The following AGBL4 variants were observed in gnomAD, a reference collection of about 807,000 sequenced individuals.
AGBL4 encodes the protein cytosolic carboxypeptidase 6.
AGBL4 carries 58 observed loss-of-function variants against 66.4 expected under a neutral mutation model. The observed-to-expected ratio is 0.87, with a 90% confidence interval of 0.71 to 1.09. The LOEUF is 1.09. Ranked by LOEUF, AGBL4 falls within the 50% of genes least tolerant of loss-of-function variation. The pLI, the probability that AGBL4 is intolerant of heterozygous loss-of-function variation, is 0.00. For synonymous variants in AGBL4, 234 were observed against 222.9 expected (o/e 1.05, Z -0.44); for missense variants, 579 against 631.0 (o/e 0.92, Z 0.88).
chr1:49,184,937 A>G (rs746205604), intron 4 of AGBL4, among the ~76,000 whole-genome samples: 3 of 152,196 alleles, frequency 2.0e-5, no homozygotes, highest in South Asian at 2.1e-4. Context: ...ACAGGGCACA[A>G]TTTGTGATGA....
Position 48,718,654 on chromosome 1 carries a change from C to A in AGBL4, c.635-55413G>T, listed in dbSNP as rs529749569. ...AGGAAGAAGGAAGACTAAAAATCTACTTCCCCACCTGGAGTGCTCTGAGGT... is the reference window on the plus strand; with the variant it reads ...AGGAAGAAGGAAGACTAAAAATCTAATTCCCCACCTGGAGTGCTCTGAGGT... On this transcript the variant is annotated intron_variant, in intron 6 of 13. Coordinates refer to ENST00000371839, the MANE Select transcript of AGBL4 (RefSeq NM_032785.4). Among the ~76,000 whole-genome samples, 401 of 152,228 alleles carry A rather than the reference C, an allele frequency of 2.6e-3. 1 individual carries two copies. Among genetic ancestry groups the A allele is most frequent in the African/African-American group, 9.2e-3 (384 of 41,536 alleles).
At chr1:49,048,685 T>TA (rs939335931) in intron 4 of AGBL4, among the ~76,000 whole-genome samples, 2 of 152,146 alleles carry the variant, frequency 1.3e-5, no homozygotes, top group African/African-American at 4.8e-5. Context: ...TTTTGTTTAT[T>TA]ATGTCTCAGA....
chr1:49,467,344 G>A (rs1646652321), intron 3 of AGBL4, among the ~76,000 whole-genome samples: 1 of 151,850 alleles, frequency 6.6e-6, no homozygotes, highest in Non-Finnish European at 1.5e-5. Flanking sequence ...TTCCAGCCTG[G>A]AGTATTGTAA....
At chr1:49,306,181 C>T (rs241472) in intron 3 of AGBL4, among the ~76,000 whole-genome samples, 105,629 of 152,036 alleles carry the variant, frequency 0.69, 37,577 homozygotes, top group African/African-American at 0.81. Context: ...CTGCATATTT[C>T]CTGGTTCCAA....
At chr1:49,274,028 G>C (rs1644116514) in intron 3 of AGBL4, among the ~76,000 whole-genome samples, 1 of 152,110 alleles carries the variant, frequency 6.6e-6, no homozygotes, top group South Asian at 2.1e-4. Flanking sequence ...AGAGAAGAGA[G>C]ACAGATTTAG....
chr1:49,260,744 T>G (rs1653062548), intron 3 of AGBL4, among the ~76,000 whole-genome samples: 1 of 152,082 alleles, frequency 6.6e-6, no homozygotes, highest in African/African-American at 2.4e-5. Flanking sequence ...GAGGAACTGG[T>G]ACCATTCCTT....
intron 6 of AGBL4, chr1:48,758,971 A>C: frequency 6.2e-7 from 1 of 1,608,208 alleles, no homozygotes; most frequent in Non-Finnish European, 8.5e-7. Flanking sequence ...CATTTCAGAC[A>C]CAAGTGCCCC....
chr1:49,582,553 G>A (rs1193757346), intron 3 of AGBL4, among the ~76,000 whole-genome samples: 2 of 152,286 alleles, frequency 1.3e-5, no homozygotes. Flanking sequence ...CCTGGTTCCA[G>A]CACCAGTGGC....
intron 6 of AGBL4, among the ~76,000 whole-genome samples, chr1:48,783,707 C>A (rs911058484): frequency 2.0e-5 from 3 of 152,108 alleles, no homozygotes; most frequent in African/African-American, 4.8e-5. Context: ...AATATTCCAT[C>A]CCCAGGTCCT....
At chr1:49,726,479 G>A (rs1444802381) in intron 2 of AGBL4, among the ~76,000 whole-genome samples, 1 of 152,104 alleles carries the variant, frequency 6.6e-6, no homozygotes, top group Non-Finnish European at 1.5e-5. Flanking sequence ...TTTAAGGAAT[G>A]GCAGAGAGTA....
Position 49,630,008 on chromosome 1 carries a change from C to A in AGBL4, c.282+67305G>T, listed in dbSNP as rs1054837503. ...ACTCTATTAGACATCTCCACAAGTC[C>A]CTGAAAGTCAAGCCCCCTTTGATGG... On this transcript the variant is annotated intron_variant, in intron 3 of 13. Coordinates refer to ENST00000371839, the MANE Select transcript of AGBL4 (RefSeq NM_032785.4). 3.9e-5 allele frequency among the ~76,000 whole-genome samples: 6 copies of A among 152,104 alleles called. No homozygotes were observed. The East Asian group carries it at 1.2e-3, about 29-fold the overall frequency.
chr1:48,545,116 G>C (rs578175950), intron 11 of AGBL4, among the ~76,000 whole-genome samples: 40 of 152,290 alleles, frequency 2.6e-4, no homozygotes, highest in Non-Finnish European at 4.9e-4. Context: ...AGAGAAGCCT[G>C]ATCCCTTTCT....
At chr1:49,946,701 A>G (rs1655240479) in intron 1 of AGBL4, among the ~76,000 whole-genome samples, 2 of 152,008 alleles carry the variant, frequency 1.3e-5, no homozygotes, top group Admixed American at 1.3e-4. Flanking sequence ...GAAATAACCA[A>G]GATCAGAGCA....
chr1:49,297,436 A>C (rs1248591952), intron 3 of AGBL4, among the ~76,000 whole-genome samples: 3 of 152,192 alleles, frequency 2.0e-5, no homozygotes, highest in African/African-American at 7.2e-5. Context: ...ATACAGCTAG[A>C]ATGTAGAATA....
chr1:48,772,174 G>A (rs768167794), intron 6 of AGBL4, among the ~76,000 whole-genome samples: 1 of 152,226 alleles, frequency 6.6e-6, no homozygotes, highest in Non-Finnish European at 1.5e-5. Flanking sequence ...GGCAGGAAGA[G>A]AGGCACATTC....
At chr1:49,916,380 A>G (rs1322170641) in intron 1 of AGBL4, among the ~76,000 whole-genome samples, 1 of 152,224 alleles carries the variant, frequency 6.6e-6, no homozygotes, top group Admixed American at 6.5e-5. Flanking sequence ...AGTGTAGAGA[A>G]GTCCTTAAAT....
At chr1:48,659,759 G>A (rs1646077576) in intron 7 of AGBL4, among the ~76,000 whole-genome samples, 1 of 152,216 alleles carries the variant, frequency 6.6e-6, no homozygotes, top group African/African-American at 2.4e-5. Flanking sequence ...AGAGGAACCA[G>A]GTACAAAGTG....
chr1:48,984,412 T>C (rs1660010936), intron 5 of AGBL4, among the ~76,000 whole-genome samples: 2 of 150,954 alleles, frequency 1.3e-5, no homozygotes, highest in African/African-American at 2.4e-5. Flanking sequence ...TTTCTATCTA[T>C]CTACTGCACA....
intron 3 of AGBL4, 132 bp downstream of exon 3, chr1:49,697,181 A>G: frequency 9.1e-7 from 1 of 1,096,092 alleles, no homozygotes; most frequent in Non-Finnish European, 1.2e-6. Context: ...CTCTTGAACC[A>G]AAACTGTATC....
Sources: gnomAD v4.1 joint callset for allele counts (sites outside exome capture counted in the v4.1 genomes callset) on GRCh38, gnomAD v4.1.1 for gene constraint, MANE v1.5 for transcripts, NCBI Gene and HGNC (gene_info 2026-07-23, HGNC 2026-07-21) for gene names.